The following GLRA2 variants were observed in gnomAD, a reference collection of about 807,000 sequenced individuals.
GLRA2 encodes glycine receptor subunit alpha-2.
A neutral mutation model predicts 31.6 loss-of-function variants in GLRA2; 11 were observed. That is an observed-to-expected ratio of 0.35 (90% CI 0.22 to 0.58). The LOEUF (loss-of-function observed/expected upper bound fraction) is 0.58, where lower values mean the gene tolerates loss of function less well. Among genes scored for constraint, GLRA2 ranks in the 20% least tolerant of loss-of-function variants. The pLI is 0.84. For missense variants in GLRA2, 212 were observed against 351.8 expected (o/e 0.60, Z 3.18); for synonymous variants, 132 against 134.0 (o/e 0.99, Z 0.10).
the GLRA2 span, among the ~76,000 whole-genome samples, chrX:14,493,841 T>C: frequency 3.8e-5 from 4 of 105,827 alleles, no homozygotes; most frequent in African/African-American, 1.4e-4. Flanking sequence ...CCTTGGCTTA[T>C]ATCCAAAAGA....
intron 2 of GLRA2, among the ~76,000 whole-genome samples, chrX:14,536,855 C>T (rs1164999965): frequency 3.6e-5 from 4 of 111,241 alleles, no homozygotes; most frequent in Non-Finnish European, 5.7e-5. Context: ...CAGGTGTCTA[C>T]GAATGTCAAG....
intron 8 of GLRA2, among the ~76,000 whole-genome samples, chrX:14,707,500 G>A (rs1487722400): frequency 9.1e-6 from 1 of 110,479 alleles, no homozygotes; most frequent in Non-Finnish European, 1.9e-5. Context: ...ACAGAGTTTG[G>A]AGCATGAATC....
the GLRA2 span, among the ~76,000 whole-genome samples, chrX:14,457,634 A>G: frequency 5.4e-5 from 6 of 111,660 alleles, no homozygotes; most frequent in Admixed American, 2.9e-4. Flanking sequence ...AGTATTTGCT[A>G]TTGTGAATAG....
chrX:14,654,820 C>T (rs1020799729), intron 7 of GLRA2, among the ~76,000 whole-genome samples: 2 of 111,683 alleles, frequency 1.8e-5, no homozygotes, highest in African/African-American at 6.5e-5. Context: ...TTCCACATGG[C>T]TGGGGAGGCC....
intron 2 of GLRA2, among the ~76,000 whole-genome samples, chrX:14,544,862 C>G (rs2089457400): frequency 9.0e-6 from 1 of 111,308 alleles, no homozygotes; most frequent in Non-Finnish European, 1.9e-5. Context: ...GAGTGTTTGT[C>G]AAGTAAGCAA....
chrX:14,724,053 T>G (rs927090088), intron 8 of GLRA2, among the ~76,000 whole-genome samples: 1 of 112,009 alleles, frequency 8.9e-6, no homozygotes, highest in Non-Finnish European at 1.9e-5. Flanking sequence ...AAACACTCCC[T>G]TCTATGCCAC....
At chrX:14,573,112 A>G (rs1200142841) in intron 2 of GLRA2, among the ~76,000 whole-genome samples, 1 of 112,172 alleles carries the variant, frequency 8.9e-6, no homozygotes, top group Non-Finnish European at 1.9e-5. Context: ...TTCATTAAAA[A>G]TAGAAAAATT....
chrX:14,471,925 A>T, the GLRA2 span, among the ~76,000 whole-genome samples: 1 of 112,276 alleles, frequency 8.9e-6, no homozygotes, highest in African/African-American at 3.2e-5. Flanking sequence ...TGGTTGTGTG[A>T]GAATGGTGGA....
chrX:14,468,600 CA>C, the GLRA2 span, among the ~76,000 whole-genome samples: 1 of 111,760 alleles, frequency 8.9e-6, no homozygotes, highest in Non-Finnish European at 1.9e-5. Context: ...ATCATACTAC[CA>C]AAGTTAAATC....
chrX:14,595,162 G>C (rs1246961736), intron 4 of GLRA2, among the ~76,000 whole-genome samples: 1 of 111,109 alleles, frequency 9.0e-6, no homozygotes, highest in Non-Finnish European at 1.9e-5. Flanking sequence ...TCTGCCCTTG[G>C]AGATATCAAT....
intron 4 of GLRA2, among the ~76,000 whole-genome samples, chrX:14,587,928 GACA>G (rs2090099098): frequency 9.6e-6 from 1 of 104,631 alleles, no homozygotes; most frequent in African/African-American, 3.5e-5. Context: ...TTTCTTTTGA[GACA>G]ACATCTCACT....
intron 7 of GLRA2, among the ~76,000 whole-genome samples, chrX:14,670,455 T>C (rs2091079881): frequency 8.9e-6 from 1 of 111,896 alleles, no homozygotes; most frequent in Non-Finnish European, 1.9e-5. Flanking sequence ...TATCTAAGAC[T>C]GGGCAATTTA....
At chrX:14,587,054 A>G (rs1240287101) in intron 4 of GLRA2, among the ~76,000 whole-genome samples, 1 of 111,929 alleles carries the variant, frequency 8.9e-6, no homozygotes. Context: ...CTACCCCCAC[A>G]TTAATTCCTC....
intron 7 of GLRA2, 49 bp from the exon 8 acceptor site, chrX:14,690,659 TTC>T (rs763242271): frequency 0.046 from 29,098 of 627,967 alleles, no homozygotes; most frequent in Non-Finnish European, 0.051. Flanking sequence ...TAGTCTTTCT[TTC>T]TCTCTCTCTC....
At chrX:14,630,420 C>T (rs2090631751) in intron 7 of GLRA2, among the ~76,000 whole-genome samples, 1 of 111,368 alleles carries the variant, frequency 9.0e-6, no homozygotes, top group Admixed American at 9.6e-5. Context: ...TGATGTGGCT[C>T]AGTGTAATTT....
intron 7 of GLRA2, among the ~76,000 whole-genome samples, chrX:14,651,532 T>C (rs772424617): frequency 2.5e-4 from 28 of 111,679 alleles, no homozygotes; most frequent in Non-Finnish European, 4.5e-4. Flanking sequence ...TGTTTAGATA[T>C]ACAAATAGTT....
chrX:14,517,851 A>G, the GLRA2 span, among the ~76,000 whole-genome samples: 1 of 111,731 alleles, frequency 9.0e-6, no homozygotes, highest in African/African-American at 3.2e-5. Context: ...AACAAATGTT[A>G]CCAATAATAT....
At chrX:14,572,612 A>G (rs1474825936) in intron 2 of GLRA2, among the ~76,000 whole-genome samples, 3 of 112,575 alleles carry the variant, frequency 2.7e-5, no homozygotes, top group African/African-American at 6.5e-5. Context: ...GAAAGTGACC[A>G]TGGAGAAGAA....
chrX:14,455,001 T>A, the GLRA2 span, among the ~76,000 whole-genome samples: 1 of 112,009 alleles, frequency 8.9e-6, no homozygotes, highest in Non-Finnish European at 1.9e-5. Flanking sequence ...CTAATGTGTT[T>A]GTTCTTCTGT....
Sources: allele counts gnomAD v4.1 joint callset (sites outside exome capture counted in the v4.1 genomes callset), GRCh38; gene constraint gnomAD v4.1.1; transcripts MANE v1.5; gene names NCBI Gene and HGNC (gene_info 2026-07-23, HGNC 2026-07-21).